The following DPY19L4 variants were observed in gnomAD, a reference collection of about 807,000 sequenced individuals.
DPY19L4 encodes probable C-mannosyltransferase DPY19L4.
A neutral mutation model predicts 102.8 loss-of-function variants in DPY19L4; 97 were observed. That is an observed-to-expected ratio of 0.94 (90% CI 0.80 to 1.12). DPY19L4 has a LOEUF of 1.12. DPY19L4 is among the 50% of genes most tolerant of loss of function. The probability of loss-of-function intolerance (pLI) is 0.00; values close to 1 mark genes in which losing one functional copy is unlikely to be tolerated. For synonymous variants in DPY19L4, 252 were observed against 283.1 expected (o/e 0.89, Z 1.10); for missense variants, 815 against 850.4 (o/e 0.96, Z 0.52).
rs1173699530 is a variant in DPY19L4 at position 94,729,758 on chromosome 8, GAA to G, written c.127+3318_127+3319del. Among the ~76,000 whole-genome samples, 536 of 151,666 alleles carry G rather than the reference GAA, an allele frequency of 3.5e-3. 6 individuals carry two copies. The highest frequency in any genetic ancestry group is 0.012 in the African/African-American group (505 of 41,218). On this transcript the variant is annotated intron_variant, in intron 2 of 18. Coordinates refer to ENST00000414645, the MANE Select transcript of DPY19L4 (RefSeq NM_181787.3). ...AGGTAGGAGGATTGCTTAAGCCTGAGAAGTGGTGTTTGCAGTGAGCCAGGATC... is the reference window on the plus strand; with the variant it reads ...AGGTAGGAGGATTGCTTAAGCCTGAGGTGGTGTTTGCAGTGAGCCAGGATC...
At chr8:94,723,413 T>C (rs763887113) in intron 1 of DPY19L4, among the ~76,000 whole-genome samples, 19 of 151,090 alleles carry the variant, frequency 1.3e-4, no homozygotes, top group Admixed American at 5.3e-4. Flanking sequence ...GCGGAGGTTG[T>C]AGTGAGCCGG....
At chr8:94,755,065 G>A (rs1192163660) in intron 6 of DPY19L4, among the ~76,000 whole-genome samples, 1 of 152,148 alleles carries the variant, frequency 6.6e-6, no homozygotes, top group Non-Finnish European at 1.5e-5. Context: ...TAGGATTACA[G>A]GCATGATCCA....
rs547862125 is a variant in DPY19L4 at position 94,787,910 on chromosome 8, C to G, written c.1865C>G (p.Ser622Ter). The change falls in exon 18 of 19, where the codon TCA becomes TGA. Residue 622 changes from serine (S) to a stop codon, truncating the protein, a stop_gained. Coordinates refer to ENST00000414645, the MANE Select transcript of DPY19L4 (RefSeq NM_181787.3). LOFTEE classifies it high-confidence loss of function. ...TTCTTTCAGATCTACCAAATCTATT[C>G]AAAGCGATCTGCTGAGGATATTTAT... is the stretch of plus-strand genomic sequence containing the variant. ...KRNENIYQIY[S>*]KRSAEDIYKI... 1.4e-6 allele frequency: 2 copies of G among 1,407,056 alleles called. No homozygotes were observed. Among genetic ancestry groups the G allele is most frequent in the African/African-American group, 3.0e-5 (2 of 67,444 alleles). 87.2% of individuals were successfully genotyped at this position (1,407,056 alleles called of 1,614,324 possible).
In DPY19L4 at chr8:94,783,787, C is replaced by A. The variant is rs1813536512; in HGVS notation, c.1833C>A (p.Leu611=). The A allele has an allele frequency of 1.9e-6, 3 of 1,613,570 alleles. No homozygotes were observed. Among genetic ancestry groups the A allele is most frequent in the Non-Finnish European group, 2.5e-6 (3 of 1,179,932 alleles). Residue 611 remains leucine, a synonymous_variant, in exon 17 of 19, where the codon CTC becomes CTA. Transcript: ENST00000414645. ...SLPLYNDDDL[L]KRNENIYQIY... ...CTCTTTACAATGATGATGATCTTCT[C>A]AAGAGAAATGAAAATGTAAGACATT...
intron 4 of DPY19L4, 56 bp downstream of exon 4, chr8:94,738,515 TC>T: frequency 3.5e-6 from 4 of 1,131,666 alleles, no homozygotes; most frequent in South Asian, 1.6e-5. Context: ...TCTTTTCTTT[TC>T]TTTTTTTTTT....
chr8:94,722,651 T>C (rs1400527623), intron 1 of DPY19L4, among the ~76,000 whole-genome samples: 1 of 152,222 alleles, frequency 6.6e-6, no homozygotes, highest in African/African-American at 2.4e-5. Context: ...ATAATACATA[T>C]AGCAAACCTG....
In DPY19L4 at chr8:94,767,887, A is replaced by G. The variant is rs367976117; in HGVS notation, c.1176-508A>G. 3.3e-4 allele frequency among the ~76,000 whole-genome samples: 51 copies of G among 152,306 alleles called. No homozygotes were observed. The East Asian group carries it at 4.8e-3, about 14-fold the overall frequency. On this transcript the variant is annotated intron_variant, in intron 11 of 18. Coordinates refer to ENST00000414645, the MANE Select transcript of DPY19L4 (RefSeq NM_181787.3). ...AATATATAAAAATAATTTGTAAACAATGTAAAAATTATTAAGGAGATATTT... is the reference window on the plus strand; with the variant it reads ...AATATATAAAAATAATTTGTAAACAGTGTAAAAATTATTAAGGAGATATTT...
At chr8:94,766,283 G>A (rs1447542048) in intron 10 of DPY19L4, among the ~76,000 whole-genome samples, 2 of 152,178 alleles carry the variant, frequency 1.3e-5, no homozygotes, top group African/African-American at 4.8e-5. Flanking sequence ...GCTGAGGCAG[G>A]AGAATTGCTT....
chr8:94,723,749 C>G, intron 1 of DPY19L4, among the ~76,000 whole-genome samples: 1 of 152,112 alleles, frequency 6.6e-6, no homozygotes, highest in Non-Finnish European at 1.5e-5. Flanking sequence ...AATCAGTGCA[C>G]ACATTCAGTA....
Position 94,756,170 on chromosome 8 carries a change from A to G in DPY19L4, c.735+11A>G, listed in dbSNP as rs1438982974. ...AATACTTATGGAGAGGTAAGATACA[A>G]ATCTGTTTTATCTGTTGCAGCTAAT... On this transcript the variant is annotated intron_variant, in intron 7 of 18. Coordinates refer to ENST00000414645, the MANE Select transcript of DPY19L4 (RefSeq NM_181787.3). 6.2e-7 allele frequency: 1 copy of G among 1,609,256 alleles called. No individual in the cohort carries two copies. Among genetic ancestry groups the G allele is most frequent in the South Asian group, 1.1e-5 (1 of 89,620 alleles).
chr8:94,782,119 A>T (rs979135098), intron 16 of DPY19L4, among the ~76,000 whole-genome samples: 1 of 152,224 alleles, frequency 6.6e-6, no homozygotes, highest in African/African-American at 2.4e-5. Context: ...AATGCCACAA[A>T]ACTTAGTGGC....
At chr8:94,756,322 C>G (rs778137894) in intron 7 of DPY19L4, among the ~76,000 whole-genome samples, 163 bp downstream of exon 7, 1 of 152,184 alleles carries the variant, frequency 6.6e-6, no homozygotes, top group Non-Finnish European at 1.5e-5. Context: ...TCTTACAACA[C>G]TGTTACTCTG....
At chr8:94,754,304 T>C (rs548335013) in intron 6 of DPY19L4, among the ~76,000 whole-genome samples, 15 of 152,380 alleles carry the variant, frequency 9.8e-5, no homozygotes, top group South Asian at 2.1e-4. Context: ...TTTGTTCCTT[T>C]GTTTTCATGG....
Position 94,761,743 on chromosome 8 carries a change from T to C in DPY19L4, c.779T>C (p.Met260Thr), listed in dbSNP as rs1338928199. The change falls in exon 8 of 19, where the codon ATG (methionine) becomes ACG (threonine). Residue 260 changes from methionine (M) to threonine (T), a missense_variant. Coordinates refer to ENST00000414645, the MANE Select transcript of DPY19L4 (RefSeq NM_181787.3). ...LLMSASTYTF[M>T]MMWEYSHYLL... ...ATGAGTGCTTCAACTTACACATTTATGATGATGTGGGAGTATAGCCACTAT... is the reference window on the plus strand; with the variant it reads ...ATGAGTGCTTCAACTTACACATTTACGATGATGTGGGAGTATAGCCACTAT... 1 of 1,611,270 alleles carries C rather than the reference T, an allele frequency of 6.2e-7. No homozygotes were observed. The highest frequency in any genetic ancestry group is 1.7e-5 in the Admixed American group (1 of 59,668).
chr8:94,781,964 T>C (rs1268283091), intron 16 of DPY19L4, among the ~76,000 whole-genome samples: 2 of 152,176 alleles, frequency 1.3e-5, no homozygotes, highest in Non-Finnish European at 2.9e-5. Context: ...TATACAGGAT[T>C]CCATAAGTAA....
At chr8:94,769,669 TAGTG>T (rs1005579016) in intron 12 of DPY19L4, among the ~76,000 whole-genome samples, 14 of 151,534 alleles carry the variant, frequency 9.2e-5, no homozygotes, top group African/African-American at 3.4e-4. Context: ...CTGGGCAACA[TAGTG>T]AGACCCCCGT....
Position 94,739,525 on chromosome 8 carries a change from T to G in DPY19L4, c.456T>G (p.Thr152=). ...ELIASILYQA[T]GSNEIIEPVY... Reference sequence around the variant, plus strand: ...TTGCTAGCATTTTATATCAAGCCACTGGTAGCAATGTATGTATTTTTCGTT... The same window carrying G: ...TTGCTAGCATTTTATATCAAGCCACGGGTAGCAATGTATGTATTTTTCGTT... The change falls in exon 5 of 19, where the codon ACT becomes ACG. Residue 152 remains threonine (T), a synonymous_variant. Coordinates refer to ENST00000414645, the MANE Select transcript of DPY19L4 (RefSeq NM_181787.3). The G allele has an allele frequency of 1.2e-6, 2 of 1,601,854 alleles. No homozygotes were observed. The highest frequency in any genetic ancestry group is 1.7e-6 in the Non-Finnish European group (2 of 1,176,806).
chr8:94,732,690 GA>G (rs138021122), intron 2 of DPY19L4, among the ~76,000 whole-genome samples: 3,934 of 148,448 alleles, frequency 0.027, 169 homozygotes, highest in African/African-American at 0.091. Context: ...ATCCTGAAAG[GA>G]AAAAAAAAAT....
intron 7 of DPY19L4, 91 bp downstream of exon 7, chr8:94,756,250 G>T: frequency 6.7e-7 from 1 of 1,502,766 alleles, no homozygotes; most frequent in Non-Finnish European, 8.9e-7. Context: ...GTCCTAGTAA[G>T]AATTAAATCA....
Sources: allele counts gnomAD v4.1 joint callset (sites outside exome capture counted in the v4.1 genomes callset), GRCh38; gene constraint gnomAD v4.1.1; transcripts MANE v1.5; gene names NCBI Gene and HGNC (gene_info 2026-07-23, HGNC 2026-07-21).